TCTN1: variants seen among roughly 807,000 people sequenced by gnomAD.
The protein encoded by TCTN1 is tectonic family member 1.
Under a neutral mutation model 65.8 loss-of-function variants are expected in TCTN1, and 58 were observed. The observed-to-expected ratio is 0.88, with a 90% CI of 0.71 to 1.10. The LOEUF (loss-of-function observed/expected upper bound fraction) is 1.10, where lower values mean the gene tolerates loss of function less well. Among genes scored for constraint, TCTN1 ranks in the 50% least tolerant of loss-of-function variants. The pLI, the probability that TCTN1 is intolerant of heterozygous loss-of-function variation, is 0.00. For synonymous variants in TCTN1, 273 were observed against 289.1 expected (o/e 0.94, Z 0.57); for missense variants, 645 against 719.4 (o/e 0.90, Z 1.18).
intron 11 of TCTN1, chr12:110,643,931 C>T (rs1419133639): frequency 6.6e-6 from 1 of 152,196 alleles, no homozygotes; most frequent in Non-Finnish European, 1.5e-5. Context: ...TTCAGCCTCC[C>T]AACATGTTGG....
intron 7 of TCTN1, among the ~76,000 whole-genome samples, chr12:110,636,966 C>T (rs1392599937): frequency 6.6e-6 from 1 of 152,224 alleles, no homozygotes; most frequent in African/African-American, 2.4e-5. Context: ...TTTTCAAAGC[C>T]TTATCGCCCC....
At chr12:110,615,485 CTTTT>C (rs1331464643) in intron 1 of TCTN1, among the ~76,000 whole-genome samples, 1 of 151,814 alleles carries the variant, frequency 6.6e-6, no homozygotes. Context: ...TTTTTTTATT[CTTTT>C]TTTGTTTTTG....
Position 110,629,082 on chromosome 12 carries a change from A to G in TCTN1, c.624+164A>G, listed in dbSNP as rs367746211. On this transcript the variant is annotated intron_variant, in intron 4 of 14. Transcript: ENST00000397659. The stretch of plus-strand genomic sequence containing the variant: ...TACAAATCAAAGATCATGAAAATTA[A>G]AACTGAATATTTGAAGATGGATTAA... The G allele has an allele frequency of 3.6e-4, 288 of 796,006 alleles. 5 individuals carry two copies. In the South Asian group the frequency reaches 4.6e-3, roughly 13 times the overall value. 49.3% of individuals were successfully genotyped at this position (796,006 alleles called of 1,614,324 possible).
chr12:110,617,067 C>T (rs1306449424), intron 1 of TCTN1, among the ~76,000 whole-genome samples: 1 of 152,188 alleles, frequency 6.6e-6, no homozygotes, highest in Admixed American at 6.6e-5. Flanking sequence ...AGTAGTCTTA[C>T]AGCTGCCTAT....
At chr12:110,634,610 A>G in intron 5 of TCTN1, 60 bp from the exon 6 acceptor site, 4 of 1,428,494 alleles carry the variant, frequency 2.8e-6, no homozygotes, top group Non-Finnish European at 3.8e-6. Flanking sequence ...GCCATTGGAA[A>G]ATTGAAAAAT....
Position 110,614,268 on chromosome 12 carries a change from C to T in TCTN1, c.86C>T (p.Ala29Val), listed in dbSNP as rs1232393981. 1 of 1,595,830 alleles carries T rather than the reference C, an allele frequency of 6.3e-7. No homozygotes were observed. The highest frequency in any genetic ancestry group is 2.3e-5 in the East Asian group (1 of 44,256). The change falls in exon 1 of 15, where the codon GCG (alanine) becomes GTG (valine). Residue 29 changes from alanine to valine, a missense_variant. By Grantham distance (64) the Ala-to-Val change is moderately conservative. Transcript: ENST00000397659. ...SVSAQTDATP[A>V]VTTEGLNSTE... ...AGCGCCCAGACCGATGCCACCCCGG[C>T]GGTGACGACAGAGGGCCTCAACTCC...
rs1417449106 is a variant in TCTN1, at chr12:110,628,826, T to C, written c.532T>C (p.Leu178=). 3 of 1,612,988 alleles carry C rather than the reference T, an allele frequency of 1.9e-6. No individual in the cohort carries two copies. The highest frequency in any genetic ancestry group is 1.3e-5 in the African/African-American group (1 of 74,934). Residue 178 remains leucine (L), a synonymous_variant, in exon 4 of 15, where the codon TTG becomes CTG. Coordinates refer to ENST00000397659, the MANE Select transcript of TCTN1 (RefSeq NM_001082538.3). ...EVPDENNFDT[L]MKTSDGFTLN... ...ACCTGATGAAAACAATTTTGATACA[T>C]TGATGAAAACATCTGATGGTTTTAC... is the stretch of plus-strand genomic sequence containing the variant.
intron 2 of TCTN1, among the ~76,000 whole-genome samples, chr12:110,622,628 G>A (rs529984206): frequency 4.4e-4 from 67 of 152,252 alleles, no homozygotes; most frequent in African/African-American, 1.6e-3. Context: ...CAGAGATGGG[G>A]GGATGTGGGA....
intron 7 of TCTN1, among the ~76,000 whole-genome samples, chr12:110,638,397 G>T (rs1031250439): frequency 6.6e-6 from 1 of 152,212 alleles, no homozygotes; most frequent in Non-Finnish European, 1.5e-5. Flanking sequence ...AAGGTTAGAG[G>T]ATCAGGAGTA....
chr12:110,620,326 TGAACCCGG>T (rs1412675265), intron 2 of TCTN1, among the ~76,000 whole-genome samples: 2 of 151,754 alleles, frequency 1.3e-5, no homozygotes, highest in African/African-American at 4.8e-5. Context: ...GAGAATGGCG[TGAACCCGG>T]GAGGCAGAGC....
intron 10 of TCTN1, among the ~76,000 whole-genome samples, 173 bp downstream of exon 10, chr12:110,641,800 T>C (rs2066972798): frequency 6.7e-6 from 1 of 148,722 alleles, no homozygotes; most frequent in Non-Finnish European, 1.5e-5. Context: ...ACACAGCAGG[T>C]GGGCTGGGGG....
chr12:110,632,379 C>A, intron 4 of TCTN1, 93 bp from the exon 5 acceptor site: 1 of 1,293,048 alleles, frequency 7.7e-7, no homozygotes, highest in Non-Finnish European at 1.1e-6. Context: ...TCTCTGATGC[C>A]TGCAGTGCTG....
In TCTN1 at chr12:110,626,209, CT is replaced by C. The variant is rs1168284089; in HGVS notation, c.342-152del. Among the ~76,000 whole-genome samples the C allele has an allele frequency of 2.0e-5, 3 of 152,178 alleles. No homozygotes were observed. In the East Asian group the frequency reaches 5.8e-4, roughly 29 times the overall value. On this transcript the variant is annotated intron_variant, in intron 2 of 14. Coordinates refer to ENST00000397659, the MANE Select transcript of TCTN1 (RefSeq NM_001082538.3). ...GTTCATGCCATTCTCCCGCCTCAGCCTCCCAAGTAGCTGGGACGTCATGCTT... is the reference window on the plus strand; with the variant it reads ...GTTCATGCCATTCTCCCGCCTCAGCCCCCAAGTAGCTGGGACGTCATGCTT...
intron 3 of TCTN1, chr12:110,628,145 A>G (rs1330053494): frequency 2.6e-6 from 4 of 1,536,072 alleles, no homozygotes; most frequent in South Asian, 2.4e-5. Flanking sequence ...TTCTCCTTAC[A>G]GGTTGATACA....
rs1420275854 is a variant in TCTN1, at chr12:110,647,202, GT to G, written c.1505del (p.Leu502CysfsTer13). ...ITQSFNRKHF[V>X]LQDSCQLPGA... ...GATTCTAATGGATTAACAGCATTTT[GT>G]TTTGCAGGATTCCTGCCAGCTCCCA... On this transcript the variant is annotated frameshift_variant, in exon 13 of 15. Coordinates refer to ENST00000397659, the MANE Select transcript of TCTN1 (RefSeq NM_001082538.3). LOFTEE classifies it high-confidence loss of function. 1 of 1,614,062 alleles carries G rather than the reference GT, an allele frequency of 6.2e-7. No individual in the cohort carries two copies. Among genetic ancestry groups the G allele is most frequent in the Admixed American group, 1.7e-5 (1 of 60,004 alleles).
chr12:110,624,689 T>C (rs2065706940), intron 2 of TCTN1, among the ~76,000 whole-genome samples: 1 of 152,092 alleles, frequency 6.6e-6, no homozygotes, highest in South Asian at 2.1e-4. Flanking sequence ...GCAATACTCC[T>C]GCCTCAGTCT....
intron 5 of TCTN1, among the ~76,000 whole-genome samples, chr12:110,633,649 AAAAG>A (rs1254844063): frequency 2.0e-5 from 3 of 152,000 alleles, no homozygotes; most frequent in Non-Finnish European, 4.4e-5. Flanking sequence ...AGAAAAAAAA[AAAAG>A]AAAACAAAAC....
intron 1 of TCTN1, among the ~76,000 whole-genome samples, chr12:110,616,025 T>C (rs1363539856): frequency 6.6e-6 from 1 of 152,148 alleles, no homozygotes; most frequent in Non-Finnish European, 1.5e-5. Flanking sequence ...TTTGATGAAT[T>C]AGTAGGGAAG....
chr12:110,626,249 C>T (rs2065834529), intron 2 of TCTN1, 113 bp from the exon 3 acceptor site: 2 of 1,226,916 alleles, frequency 1.6e-6, no homozygotes, highest in African/African-American at 3.0e-5. Context: ...TAAATATCCT[C>T]CACGTAACTG....
Sources: allele counts gnomAD v4.1 joint callset (sites outside exome capture counted in the v4.1 genomes callset), GRCh38; gene constraint gnomAD v4.1.1; transcripts MANE v1.5; gene names NCBI Gene and HGNC (gene_info 2026-07-23, HGNC 2026-07-21).